The following OSBPL10 variants were observed in gnomAD, a reference collection of about 807,000 sequenced individuals.
OSBPL10 encodes the protein oxysterol binding protein like 10, also known as oxysterol-binding protein-related protein 10.
Under a neutral mutation model 81.7 loss-of-function variants are expected in OSBPL10, and 49 were observed. The ratio of observed to expected loss-of-function variants is 0.60; its 90% CI spans 0.48 to 0.76. The LOEUF is 0.76. Ranked by LOEUF, OSBPL10 falls within the 30% of genes least tolerant of loss-of-function variation. OSBPL10 has a pLI of 0.00. For missense variants in OSBPL10, 923 were observed against 987.8 expected, an observed-to-expected ratio of 0.93 and a Z score of 0.88; for synonymous variants, 419 against 383.6, an observed-to-expected ratio of 1.09 and a Z score of -1.08.
At chr3:31,782,793 G>A (rs1698730874) in intron 4 of OSBPL10, among the ~76,000 whole-genome samples, 1 of 152,100 alleles carries the variant, frequency 6.6e-6, no homozygotes, top group Non-Finnish European at 1.5e-5. Context: ...AATAACAGAT[G>A]TTGGCATGGA....
chr3:31,791,437 G>C (rs144766513), intron 4 of OSBPL10, among the ~76,000 whole-genome samples: 1 of 152,178 alleles, frequency 6.6e-6, no homozygotes, highest in African/African-American at 2.4e-5. Context: ...AAATCAGCGT[G>C]CATTTCCCCT....
chr3:31,729,565 C>G (rs150345539), intron 6 of OSBPL10, among the ~76,000 whole-genome samples: 2,542 of 152,204 alleles, frequency 0.017, 59 homozygotes, highest in African/African-American at 0.058. Flanking sequence ...GGATTACAGG[C>G]GCACGCCACC....
intron 3 of OSBPL10, among the ~76,000 whole-genome samples, chr3:31,850,790 T>C (rs1164538145): frequency 6.6e-6 from 1 of 152,212 alleles, no homozygotes; most frequent in Non-Finnish European, 1.5e-5. Flanking sequence ...TGCCTTGCAA[T>C]GTCGCTATAA....
At chr3:31,908,623 A>G (rs1696487147) in intron 1 of OSBPL10, among the ~76,000 whole-genome samples, 1 of 152,182 alleles carries the variant, frequency 6.6e-6, no homozygotes, top group South Asian at 2.1e-4. Flanking sequence ...AGGTTAAGGA[A>G]ACTACTGGAC....
intron 3 of OSBPL10, among the ~76,000 whole-genome samples, chr3:31,873,207 C>T (rs1187653198): frequency 6.6e-6 from 1 of 152,028 alleles, no homozygotes; most frequent in Admixed American, 6.6e-5. Flanking sequence ...AAATTATACT[C>T]TAATAAACCT....
chr3:31,710,252 C>A (rs528886531), intron 6 of OSBPL10, among the ~76,000 whole-genome samples: 1 of 150,342 alleles, frequency 6.7e-6, no homozygotes, highest in East Asian at 2.1e-4. Context: ...CAAGGCAAAG[C>A]GTGTAAAGCA....
Position 31,669,296 on chromosome 3 carries a change from A to T in OSBPL10, c.1914-472T>A, listed in dbSNP as rs139597075. Among the ~76,000 whole-genome samples the T allele has an allele frequency of 8.8e-3, 1,328 of 151,342 alleles. 19 individuals carry two copies. The highest frequency in any genetic ancestry group is 0.029 in the African/African-American group (1,185 of 41,240). The stretch of plus-strand genomic sequence containing the variant: ...CAATAACTTATGCAAAAAATTAATT[A>T]AAAAAAAAGGAAAACAAAATAGCAT... On this transcript the variant is annotated intron_variant, in intron 9 of 11. Transcript: ENST00000396556.
At chr3:31,961,201 G>A (rs1419351186) in intron 1 of OSBPL10, among the ~76,000 whole-genome samples, 1 of 151,936 alleles carries the variant, frequency 6.6e-6, no homozygotes, top group Admixed American at 6.6e-5. Flanking sequence ...ATCAAATATG[G>A]AGCACCACCT....
At chr3:31,870,190 G>C (rs1243365111) in intron 3 of OSBPL10, among the ~76,000 whole-genome samples, 3 of 152,246 alleles carry the variant, frequency 2.0e-5, no homozygotes, top group Non-Finnish European at 4.4e-5. Context: ...AGGTGGGCGT[G>C]GGCTTGGAGG....
At chr3:31,827,215 A>G (rs1006203435) in intron 4 of OSBPL10, among the ~76,000 whole-genome samples, 2 of 152,030 alleles carry the variant, frequency 1.3e-5, no homozygotes, top group African/African-American at 4.8e-5. Context: ...ACCTGGCTTC[A>G]CCTAATTATT....
chr3:32,071,221 T>G (rs1034139020), intron 1 of OSBPL10, among the ~76,000 whole-genome samples: 3 of 152,232 alleles, frequency 2.0e-5, no homozygotes, highest in Non-Finnish European at 2.9e-5. Context: ...CAATTGGGTC[T>G]GACTGATCTC....
chr3:31,947,071 G>A (rs1156893912), intron 1 of OSBPL10, among the ~76,000 whole-genome samples: 3 of 152,152 alleles, frequency 2.0e-5, no homozygotes, highest in African/African-American at 7.2e-5. Context: ...ATGCCTCAGT[G>A]GCTGGTTAGA....
Position 31,886,526 on chromosome 3 carries a change from C to T in OSBPL10, c.282-6696G>A, listed in dbSNP as rs145197085. Among the ~76,000 whole-genome samples, 26 of 152,358 alleles carry T rather than the reference C, an allele frequency of 1.7e-4. No homozygotes were observed. The East Asian group carries it at 4.8e-3, about 28-fold the overall frequency. On this transcript the variant is annotated intron_variant, in intron 1 of 11. Transcript: ENST00000396556. The stretch of plus-strand genomic sequence containing the variant: ...TGAGATCTGCCTCGCCTTCCTCAGG[C>T]CTCTATCTTCTGAGACGCATCTGCT...
chr3:31,667,828 C>A (rs1700234076), intron 10 of OSBPL10, among the ~76,000 whole-genome samples: 1 of 152,208 alleles, frequency 6.6e-6, no homozygotes, highest in African/African-American at 2.4e-5. Flanking sequence ...GGATTTGGCC[C>A]ACAGGCCATA....
chr3:32,050,605 C>A (rs927029649), intron 1 of OSBPL10, among the ~76,000 whole-genome samples: 25 of 152,062 alleles, frequency 1.6e-4, no homozygotes, highest in Admixed American at 1.6e-3. Flanking sequence ...AGTTCAAAGG[C>A]CAGAAATATT....
chr3:31,703,971 G>C (rs770203360), intron 6 of OSBPL10: 1 of 152,158 alleles, frequency 6.6e-6, no homozygotes, highest in Non-Finnish European at 1.5e-5. Context: ...GGAAGAGCCA[G>C]AGAGGGAAGT....
chr3:31,697,467 C>A (rs191194147), intron 7 of OSBPL10, among the ~76,000 whole-genome samples: 1 of 151,976 alleles, frequency 6.6e-6, no homozygotes, highest in Admixed American at 6.5e-5. Context: ...AATAATAAAA[C>A]AATAAAACAA....
At chr3:31,877,774 A>G (rs1442721775) in intron 2 of OSBPL10, among the ~76,000 whole-genome samples, 1 of 152,184 alleles carries the variant, frequency 6.6e-6, no homozygotes, top group Non-Finnish European at 1.5e-5. Context: ...TTGTCTGTCA[A>G]AAGGCCTGTT....
intron 1 of OSBPL10, among the ~76,000 whole-genome samples, chr3:32,055,092 T>C (rs1553651847): frequency 6.7e-6 from 1 of 149,790 alleles, no homozygotes; most frequent in Non-Finnish European, 1.5e-5. Context: ...ACTAAGCTAA[T>C]AGAAGACTGA....
Sources: allele counts gnomAD v4.1 joint callset (sites outside exome capture counted in the v4.1 genomes callset), GRCh38; gene constraint gnomAD v4.1.1; transcripts MANE v1.5; gene names NCBI Gene and HGNC (gene_info 2026-07-23, HGNC 2026-07-21).